Variants in TGFA observed in about 807,000 individuals in gnomAD.
TGFA encodes the protein transforming growth factor alpha.
TGFA carries 12 observed loss-of-function variants against 21.7 expected under a neutral mutation model. The observed-to-expected ratio is 0.55, with a 90% CI of 0.35 to 0.90. The LOEUF (loss-of-function observed/expected upper bound fraction) is 0.90, where lower values mean the gene tolerates loss of function less well. Among genes scored for constraint, TGFA ranks in the 40% least tolerant of loss-of-function variants. TGFA has a pLI of 0.01. For synonymous variants in TGFA, 79 were observed against 88.1 expected, an observed-to-expected ratio of 0.90 and a Z score of 0.58; for missense variants, 178 against 210.8, an observed-to-expected ratio of 0.84 and a Z score of 0.96.
At chr2:70,478,962 T>C (rs1468558552) in intron 2 of TGFA, among the ~76,000 whole-genome samples, 1 of 152,180 alleles carries the variant, frequency 6.6e-6, no homozygotes, top group Non-Finnish European at 1.5e-5. Context: ...TGTCATTTGA[T>C]AAAAAATTAG....
rs147883090 is a variant in TGFA, at chr2:70,489,087, C to G, written c.95-23351G>C. Reference sequence around the variant, plus strand: ...CAGTAGCAGCTCTGTCACACTCACTCTAGATGACTTTGGCCAAGTCCTTCC... The same window carrying G: ...CAGTAGCAGCTCTGTCACACTCACTGTAGATGACTTTGGCCAAGTCCTTCC... On this transcript the variant is annotated intron_variant, in intron 2 of 5. Transcript: ENST00000295400. 5.1e-4 allele frequency among the ~76,000 whole-genome samples: 77 copies of G among 152,308 alleles called. No homozygotes were observed. In the Middle Eastern group the frequency reaches 0.024, roughly 47 times the overall value.
chr2:70,463,369 T>G (rs1401875767), intron 3 of TGFA, among the ~76,000 whole-genome samples: 1 of 151,922 alleles, frequency 6.6e-6, no homozygotes, highest in Admixed American at 6.6e-5. Context: ...AGTGTAAGGG[T>G]GTGTGAATGT....
At chr2:70,489,810 A>G (rs1452338612) in intron 2 of TGFA, among the ~76,000 whole-genome samples, 3 of 152,216 alleles carry the variant, frequency 2.0e-5, no homozygotes, top group Non-Finnish European at 4.4e-5. Context: ...GGAGCTTGTT[A>G]GAAATGCAGA....
chr2:70,500,544 T>C (rs897893205), intron 2 of TGFA, among the ~76,000 whole-genome samples: 3 of 152,194 alleles, frequency 2.0e-5, no homozygotes, highest in Admixed American at 6.5e-5. Context: ...GTACTACTTT[T>C]TTTCCAAGAG....
intron 2 of TGFA, among the ~76,000 whole-genome samples, chr2:70,483,175 CTCA>C (rs1259676958): frequency 6.6e-6 from 1 of 152,192 alleles, no homozygotes; most frequent in African/African-American, 2.4e-5. Flanking sequence ...TGGCATTTCC[CTCA>C]TCAGTCTTAC....
At chr2:70,544,806 G>A (rs1160952431) in intron 1 of TGFA, among the ~76,000 whole-genome samples, 1 of 152,108 alleles carries the variant, frequency 6.6e-6, no homozygotes, top group Non-Finnish European at 1.5e-5. Context: ...CTTATTCATG[G>A]CAGCTGAAAA....
In TGFA at chr2:70,456,500, AG is replaced by A; in HGVS notation, c.216-13del. On this transcript the variant is annotated splice_polypyrimidine_tract_variant and intron_variant, in intron 3 of 5. Coordinates refer to ENST00000295400, the MANE Select transcript of TGFA (RefSeq NM_003236.4). The stretch of plus-strand genomic sequence containing the variant: ...ACCCAGAATGGCAGCTGGGGAAGAA[AG>A]GAACGTCAGTGCACTCTCCTGACAA... 1 of 1,597,364 alleles carries A rather than the reference AG, an allele frequency of 6.3e-7. No individual in the cohort carries two copies. Among genetic ancestry groups the A allele is most frequent in the Non-Finnish European group, 8.5e-7 (1 of 1,171,976 alleles).
chr2:70,521,690 C>A (rs781997731), intron 1 of TGFA, among the ~76,000 whole-genome samples: 17 of 136,250 alleles, frequency 1.2e-4, no homozygotes, highest in Non-Finnish European at 1.1e-4. Context: ...TCTTGGCTCA[C>A]TGCAACCTCT....
chr2:70,469,394 G>A (rs1340854271), intron 2 of TGFA, among the ~76,000 whole-genome samples: 1 of 152,026 alleles, frequency 6.6e-6, no homozygotes. Flanking sequence ...GAGTGCAGTG[G>A]CACGTTCATG....
intron 1 of TGFA, among the ~76,000 whole-genome samples, chr2:70,528,510 A>C (rs1553503236): frequency 2.8e-5 from 4 of 143,308 alleles, no homozygotes; most frequent in Non-Finnish European, 6.1e-5. Flanking sequence ...GGAAGGGTAG[A>C]ACGATGTGGG....
intron 2 of TGFA, among the ~76,000 whole-genome samples, chr2:70,493,952 T>C (rs1553498016): frequency 6.6e-6 from 1 of 152,232 alleles, no homozygotes; most frequent in African/African-American, 2.4e-5. Context: ...ACCACAAATT[T>C]AGTGGCTTAA....
intron 2 of TGFA, among the ~76,000 whole-genome samples, chr2:70,494,750 T>C (rs1290797028): frequency 6.6e-6 from 1 of 152,178 alleles, no homozygotes; most frequent in African/African-American, 2.4e-5. Flanking sequence ...ATCTTTTCTA[T>C]GTTTATTGGC....
intron 1 of TGFA, among the ~76,000 whole-genome samples, chr2:70,538,529 C>T (rs1673041132): frequency 6.6e-6 from 1 of 152,074 alleles, no homozygotes. Flanking sequence ...AAGTTGATTC[C>T]AACCCTGATG....
Position 70,449,059 on chromosome 2 carries a change from A to G in TGFA, c.*1800T>C, listed in dbSNP as rs1458935733. 6.6e-6 allele frequency: 1 copy of G among 152,190 alleles called. No individual in the cohort carries two copies. The highest frequency in any genetic ancestry group is 2.4e-5 in the African/African-American group (1 of 41,440). 9.4% of individuals were successfully genotyped at this position (152,190 alleles called of 1,614,324 possible). A position where few individuals can be genotyped will look rare whatever the true frequency, so the allele number is the denominator to read the frequency against. ...ACTTGAACTTATTTTAGTAATTTAAAAACCTGGAGCTGTGTCAACTACGTT... is the reference window on the plus strand; with the variant it reads ...ACTTGAACTTATTTTAGTAATTTAAGAACCTGGAGCTGTGTCAACTACGTT... On this transcript the variant is annotated 3_prime_UTR_variant, in exon 6 of 6. Coordinates refer to ENST00000295400, the MANE Select transcript of TGFA (RefSeq NM_003236.4).
At chr2:70,513,118 G>A (rs1672156447) in intron 2 of TGFA, among the ~76,000 whole-genome samples, 1 of 152,142 alleles carries the variant, frequency 6.6e-6, no homozygotes, top group African/African-American at 2.4e-5. Flanking sequence ...GAGATGCGTG[G>A]AGATCATAGT....
intron 1 of TGFA, chr2:70,553,360 G>T (rs1196049477): frequency 2.0e-6 from 3 of 1,467,484 alleles, no homozygotes; most frequent in Non-Finnish European, 2.7e-6. Flanking sequence ...ACACGCCAGC[G>T]ACGCCGGCTG....
intron 1 of TGFA, among the ~76,000 whole-genome samples, chr2:70,549,552 G>C (rs1176430907): frequency 6.6e-6 from 1 of 152,168 alleles, no homozygotes; most frequent in African/African-American, 2.4e-5. Flanking sequence ...AAGGCCTGCT[G>C]TAGAGGATAC....
At chr2:70,467,337 C>T (rs1670598986) in intron 2 of TGFA, 1 of 152,236 alleles carries the variant, frequency 6.6e-6, no homozygotes, top group South Asian at 2.1e-4. Flanking sequence ...GAGATGGGTC[C>T]TACTCAGAGC....
At chr2:70,536,303 G>C (rs1672967176) in intron 1 of TGFA, among the ~76,000 whole-genome samples, 1 of 152,194 alleles carries the variant, frequency 6.6e-6, no homozygotes, top group Non-Finnish European at 1.5e-5. Context: ...ACTATTATGG[G>C]TAGTGACTTC....
Sources: allele counts gnomAD v4.1 joint callset (sites outside exome capture counted in the v4.1 genomes callset), GRCh38; gene constraint gnomAD v4.1.1; transcripts MANE v1.5; gene names NCBI Gene and HGNC (gene_info 2026-07-23, HGNC 2026-07-21).